Variants in RNF111 observed in about 807,000 individuals in gnomAD.
RNF111 encodes the protein ring finger protein 111.
RNF111 carries 17 observed loss-of-function variants against 95.1 expected under a neutral mutation model. That is an observed-to-expected ratio of 0.18 (90% CI 0.12 to 0.27). RNF111 has a LOEUF of 0.27. Among genes scored for constraint, RNF111 ranks in the 10% least tolerant of loss-of-function variants. The probability of loss-of-function intolerance (pLI) is 1.00; values close to 1 mark genes in which losing one functional copy is unlikely to be tolerated. For missense variants in RNF111, 1,189 were observed against 1,210.4 expected, an observed-to-expected ratio of 0.98 and a Z score of 0.26; for synonymous variants, 440 against 414.8, an observed-to-expected ratio of 1.06 and a Z score of -0.74.
In RNF111 at chr15:59,066,920, A is replaced by G. The variant is rs1237971310; in HGVS notation, c.1523A>G (p.His508Arg). 6.2e-7 allele frequency: 1 copy of G among 1,613,948 alleles called. No homozygotes were observed. Among genetic ancestry groups the G allele is most frequent in the Non-Finnish European group, 8.5e-7 (1 of 1,180,012 alleles). Reference sequence around the variant, plus strand: ...CCTCATACAAGTTGCTTTCAGCAGCATGGTCACCATTTTCAACATCATCAC... The same window carrying G: ...CCTCATACAAGTTGCTTTCAGCAGCGTGGTCACCATTTTCAACATCATCAC... ...GHPHTSCFQQ[H>R]GHHFQHHHHH... Residue 508 changes from histidine (H) to arginine (R), a missense_variant, in exon 6 of 14, where the codon CAT becomes CGT. Physicochemically the swap from His to Arg is conservative, Grantham distance 29. Coordinates refer to ENST00000348370, the MANE Select transcript of RNF111 (RefSeq NM_017610.8).
At chr15:59,017,427 A>G (rs1004202878) in intron 1 of RNF111, among the ~76,000 whole-genome samples, 8 of 152,204 alleles carry the variant, frequency 5.3e-5, no homozygotes, top group Non-Finnish European at 1.0e-4. Context: ...AATATGGTTT[A>G]ATTTTACATT....
intron 1 of RNF111, among the ~76,000 whole-genome samples, chr15:59,027,324 G>T (rs1170610753): frequency 1.3e-5 from 2 of 152,126 alleles, no homozygotes; most frequent in East Asian, 3.9e-4. Context: ...TTCTGTTGCT[G>T]ATGGAGTCTC....
intron 6 of RNF111, among the ~76,000 whole-genome samples, chr15:59,069,832 C>CTGA (rs1362920822): frequency 6.6e-6 from 1 of 151,946 alleles, no homozygotes; most frequent in Admixed American, 6.6e-5. Flanking sequence ...CAAACAAAAC[C>CTGA]TGAGATTTGT....
intron 5 of RNF111, among the ~76,000 whole-genome samples, chr15:59,060,332 G>A (rs947621510): frequency 6.6e-6 from 1 of 151,846 alleles, no homozygotes; most frequent in Non-Finnish European, 1.5e-5. Flanking sequence ...CCTTGACATG[G>A]TGAGACTCAC....
At chr15:59,039,919 G>C (rs548229284) in intron 2 of RNF111, among the ~76,000 whole-genome samples, 1 of 152,040 alleles carries the variant, frequency 6.6e-6, no homozygotes, top group Admixed American at 6.5e-5. Context: ...GTTTCACCGT[G>C]TTGGCCAGCA....
Position 59,031,196 on chromosome 15 carries a change from C to G in RNF111, c.374C>G (p.Pro125Arg). Residue 125 changes from proline (P) to arginine (R), a missense_variant, in exon 2 of 14, where the codon CCA (proline) becomes CGA (arginine). Coordinates refer to ENST00000348370, the MANE Select transcript of RNF111 (RefSeq NM_017610.8). ...ILGLRQHLGT[P>R]SDEDNDSSFS... ...GGACTGAGGCAACACCTAGGGACAC[C>G]AAGTGATGAAGATAATGATTCCTCT... 1 of 1,614,132 alleles carries G rather than the reference C, an allele frequency of 6.2e-7. No homozygotes were observed. Among genetic ancestry groups the G allele is most frequent in the South Asian group, 1.1e-5 (1 of 91,078 alleles).
At chr15:59,081,320 G>T (rs1417408910) in intron 8 of RNF111, 36 bp downstream of exon 8, 1 of 1,561,868 alleles carries the variant, frequency 6.4e-7, no homozygotes, top group East Asian at 2.3e-5. Flanking sequence ...AGTCAAGTTT[G>T]CTTTTTCTTC....
intron 2 of RNF111, among the ~76,000 whole-genome samples, chr15:59,034,901 A>T (rs559383707): frequency 2.0e-5 from 3 of 152,200 alleles, no homozygotes; most frequent in Admixed American, 6.5e-5. Flanking sequence ...CAACTTTTTC[A>T]TACAATGTGC....
intron 12 of RNF111, among the ~76,000 whole-genome samples, chr15:59,091,783 G>A (rs778059671): frequency 1.3e-5 from 2 of 152,194 alleles, no homozygotes; most frequent in South Asian, 2.1e-4. Flanking sequence ...ATAGGTGGCA[G>A]AGGGGATAGT....
At chr15:59,057,201 G>T (rs1260202667) in intron 4 of RNF111, among the ~76,000 whole-genome samples, 4 of 152,120 alleles carry the variant, frequency 2.6e-5, no homozygotes, top group Admixed American at 1.3e-4. Flanking sequence ...ACATCATGCT[G>T]TTCACAGTGC....
In RNF111 at chr15:59,084,362, C is replaced by G. The variant is rs549980798; in HGVS notation, c.2423+108C>G. On this transcript the variant is annotated intron_variant, in intron 9 of 13. Coordinates refer to ENST00000348370, the MANE Select transcript of RNF111 (RefSeq NM_017610.8). ...TTGCAGAAGGATGATGTGGAGAAACCTAATCCCCAGTTTAACTGAGACACT... is the reference window on the plus strand; with the variant it reads ...TTGCAGAAGGATGATGTGGAGAAACGTAATCCCCAGTTTAACTGAGACACT... 1.2e-4 allele frequency: 137 copies of G among 1,137,412 alleles called. No homozygotes were observed. In the African/African-American group the frequency reaches 2.0e-3, roughly 16 times the overall value. 70.5% of individuals were successfully genotyped at this position (1,137,412 alleles called of 1,614,324 possible).
intron 2 of RNF111, among the ~76,000 whole-genome samples, chr15:59,039,829 G>T (rs141672186): frequency 0.034 from 5,207 of 151,834 alleles, 138 homozygotes; most frequent in Non-Finnish European, 0.054. Context: ...CGATTCCCCT[G>T]CCTCAGCCTC....
intron 2 of RNF111, among the ~76,000 whole-genome samples, chr15:59,040,369 T>C (rs1012540813): frequency 1.3e-5 from 2 of 152,152 alleles, no homozygotes; most frequent in Non-Finnish European, 2.9e-5. Context: ...CCTCAACTTA[T>C]CCTACCATGT....
intron 1 of RNF111, among the ~76,000 whole-genome samples, chr15:58,996,141 A>G (rs1390398047): frequency 2.6e-5 from 4 of 152,138 alleles, no homozygotes. Flanking sequence ...ATGAAATGAG[A>G]AAAAATTGTG....
At chr15:59,071,092 T>C (rs2042903120) in intron 6 of RNF111, among the ~76,000 whole-genome samples, 4 of 150,982 alleles carry the variant, frequency 2.6e-5, no homozygotes, top group Admixed American at 2.0e-4. Flanking sequence ...AGTCAGGAGA[T>C]TGAGACCATC....
intron 2 of RNF111, 22 bp from the exon 3 acceptor site, chr15:59,052,283 T>C (rs776718645): frequency 6.5e-7 from 1 of 1,533,554 alleles, no homozygotes; most frequent in African/African-American, 1.5e-5. Flanking sequence ...TGCCTTTAAA[T>C]GTTTTTTCTT....
intron 1 of RNF111, among the ~76,000 whole-genome samples, chr15:58,994,536 A>C (rs2038964820): frequency 7.6e-6 from 1 of 131,870 alleles, no homozygotes; most frequent in Admixed American, 9.2e-5. Context: ...GGAGTGCAGC[A>C]GTGTGATCTC....
intron 5 of RNF111, among the ~76,000 whole-genome samples, chr15:59,059,799 G>A (rs1374676927): frequency 2.0e-5 from 3 of 152,148 alleles, no homozygotes; most frequent in Non-Finnish European, 4.4e-5. Flanking sequence ...TACAGAGATA[G>A]GAACTTGCTA....
intron 5 of RNF111, among the ~76,000 whole-genome samples, chr15:59,061,895 A>G (rs1027874581): frequency 1.5e-4 from 23 of 151,822 alleles, no homozygotes; most frequent in Admixed American, 3.3e-4. Flanking sequence ...AAATCTGACA[A>G]TTGTCTCCTT....
Sources: gnomAD v4.1 joint callset for allele counts (sites outside exome capture counted in the v4.1 genomes callset) on GRCh38, gnomAD v4.1.1 for gene constraint, MANE v1.5 for transcripts, NCBI Gene and HGNC (gene_info 2026-07-23, HGNC 2026-07-21) for gene names.